The following KIF20B variants were observed in gnomAD, a reference collection of about 807,000 sequenced individuals.
KIF20B encodes the protein kinesin family member 20B.
Under a neutral mutation model 232.5 loss-of-function variants are expected in KIF20B, and 188 were observed. That is an observed-to-expected ratio of 0.81 (90% CI 0.72 to 0.91). KIF20B has a LOEUF of 0.91. KIF20B is among the 40% of genes least tolerant of loss of function. The pLI, the probability that KIF20B is intolerant of heterozygous loss-of-function variation, is 0.00. For synonymous variants in KIF20B, 712 were observed against 683.0 expected (o/e 1.04, Z -0.66); for missense variants, 2,154 against 2,055.9 (o/e 1.05, Z -0.92).
intron 32 of KIF20B, 60 bp from the exon 33 acceptor site, chr10:89,773,910 CA>C: frequency 9.7e-7 from 1 of 1,032,630 alleles, no homozygotes; most frequent in Non-Finnish European, 1.4e-6. Context: ...TCATTATAAA[CA>C]AGCTTTTATT....
At chr10:89,710,277 A>G (rs544870371) in intron 5 of KIF20B, among the ~76,000 whole-genome samples, 47 of 147,022 alleles carry the variant, frequency 3.2e-4, no homozygotes, top group Non-Finnish European at 5.9e-4. Flanking sequence ...GCTGGAGTGC[A>G]GTGGTGTGAT....
At chr10:89,760,953 G>A (rs2133165715) in intron 28 of KIF20B, among the ~76,000 whole-genome samples, 1 of 152,216 alleles carries the variant, frequency 6.6e-6, no homozygotes, top group African/African-American at 2.4e-5. Flanking sequence ...TAAACATTGT[G>A]TTAAATAGTA....
chr10:89,701,664 T>A lies in KIF20B; in HGVS notation c.-18T>A, dbSNP rs1371234818. On this transcript the variant is annotated 5_prime_UTR_variant, in exon 1 of 33. Coordinates refer to ENST00000371728, the MANE Select transcript of KIF20B (RefSeq NM_001284259.2). ...CAGTGCTGCTCGCGGGTCTGGCTAG[T>A]CAGGCGAAGTTTGCAGGTGAGGAGG... 1 of 152,422 alleles carries A rather than the reference T, an allele frequency of 6.6e-6. No individual in the cohort carries two copies. Among genetic ancestry groups the A allele is most frequent in the Admixed American group, 6.5e-5 (1 of 15,288 alleles). 9.4% of individuals were successfully genotyped at this position (152,422 alleles called of 1,614,324 possible).
Position 89,772,761 on chromosome 10 carries a change from A to T in KIF20B, c.5315A>T (p.Gln1772Leu), listed in dbSNP as rs368329596. 4 of 1,610,548 alleles carry T rather than the reference A, an allele frequency of 2.5e-6. No homozygotes were observed. The highest frequency in any genetic ancestry group is 3.4e-6 in the Non-Finnish European group (4 of 1,177,842). The change falls in exon 32 of 33, where the codon CAA becomes CTA. Residue 1772 changes from glutamine (Q) to leucine (L), a missense_variant. Gln to Leu is a moderately radical substitution (Grantham distance 113). Coordinates refer to ENST00000371728, the MANE Select transcript of KIF20B (RefSeq NM_001284259.2). ...GAAGCAAGTAAAGAAAATGTGTCTC[A>T]ACCAAAACGAGCCAAACGGAAATTA... The part of the protein sequence containing the change: ...NVEASKENVS[Q>L]PKRAKRKLYT...
intron 22 of KIF20B, among the ~76,000 whole-genome samples, chr10:89,744,974 A>G (rs981767486): frequency 1.3e-5 from 2 of 152,240 alleles, no homozygotes; most frequent in African/African-American, 4.8e-5. Flanking sequence ...TCTGGTCCCC[A>G]TAATTTAATC....
chr10:89,768,858 C>T lies in KIF20B; in HGVS notation c.5212C>T (p.Gln1738Ter). 6.2e-7 allele frequency: 1 copy of T among 1,601,742 alleles called. No homozygotes were observed. The highest frequency in any genetic ancestry group is 8.5e-7 in the Non-Finnish European group (1 of 1,175,966). The change falls in exon 31 of 33, where the codon CAA becomes TAA. Residue 1738 changes from glutamine to a stop codon, truncating the protein, a stop_gained. Transcript: ENST00000371728. LOFTEE classifies it high-confidence loss of function. ...GTLQKFGDFL[Q>*]HSPSILQSKA... Reference sequence around the variant, plus strand: ...ACTACAGAAATTTGGAGACTTCTTACAACATTCTCCCTCAATTCTTCAATC... The same window carrying T: ...ACTACAGAAATTTGGAGACTTCTTATAACATTCTCCCTCAATTCTTCAATC...
At chr10:89,741,991 C>T (rs1196050573) in intron 21 of KIF20B, among the ~76,000 whole-genome samples, 1 of 151,750 alleles carries the variant, frequency 6.6e-6, no homozygotes, top group East Asian at 1.9e-4. Flanking sequence ...TTCAGATAAG[C>T]CAAAATGTTG....
At chr10:89,741,832 A>C (rs1328053154) in intron 21 of KIF20B, among the ~76,000 whole-genome samples, 1 of 152,238 alleles carries the variant, frequency 6.6e-6, no homozygotes, top group Non-Finnish European at 1.5e-5. Flanking sequence ...TTTGCCTAGC[A>C]TATCCACATT....
At position 89,774,222 on chromosome 10, in the gene KIF20B, A is replaced by T. The variant is rs945718012; in HGVS notation, c.*174A>T. ...AATGAGTCAAAATTTGTATATTTTT[A>T]TAAGGCTTTTTTATAATAGCTTCTT... is the stretch of plus-strand genomic sequence containing the variant. On this transcript the variant is annotated 3_prime_UTR_variant, in exon 33 of 33. Coordinates refer to ENST00000371728, the MANE Select transcript of KIF20B (RefSeq NM_001284259.2). The T allele has an allele frequency of 1.0e-5, 4 of 387,466 alleles. No homozygotes were observed. The highest frequency in any genetic ancestry group is 7.9e-5 in the East Asian group (2 of 25,224). 24.0% of individuals were successfully genotyped at this position (387,466 alleles called of 1,614,324 possible).
At chr10:89,746,063 A>C (rs888943783) in intron 23 of KIF20B, 104 bp downstream of exon 23, 2 of 809,454 alleles carry the variant, frequency 2.5e-6, no homozygotes, top group Non-Finnish European at 4.2e-6. Flanking sequence ...CTGCAGCTCA[A>C]ACCCCTAGGG....
intron 5 of KIF20B, 78 bp from the exon 6 acceptor site, chr10:89,710,883 A>C (rs1480018475): frequency 8.9e-7 from 1 of 1,127,240 alleles, no homozygotes; most frequent in African/African-American, 1.6e-5. Context: ...GGTAGTATAA[A>C]AGGAGCTTTA....
intron 1 of KIF20B, among the ~76,000 whole-genome samples, chr10:89,703,778 C>A: frequency 7.0e-6 from 1 of 141,942 alleles, no homozygotes; most frequent in Non-Finnish European, 1.5e-5. Context: ...TTTTTTGACG[C>A]AGTCTTGCTC....
At chr10:89,705,007 A>G (rs1272827432) in intron 1 of KIF20B, among the ~76,000 whole-genome samples, 1 of 152,222 alleles carries the variant, frequency 6.6e-6, no homozygotes, top group Non-Finnish European at 1.5e-5. Context: ...GAGAGTAAAT[A>G]TTTTATACCA....
At chr10:89,733,518 A>G (rs1589864699) in intron 19 of KIF20B, among the ~76,000 whole-genome samples, 1 of 152,230 alleles carries the variant, frequency 6.6e-6, no homozygotes, top group Admixed American at 6.5e-5. Context: ...ATGAAAGATA[A>G]TACATGTTGA....
intron 15 of KIF20B, among the ~76,000 whole-genome samples, chr10:89,725,373 A>G (rs1174870959): frequency 1.3e-5 from 2 of 152,082 alleles, no homozygotes; most frequent in East Asian, 3.8e-4. Flanking sequence ...TCTGTTATAT[A>G]TATATATATC....
At chr10:89,719,320 A>C in intron 12 of KIF20B, 99 bp from the exon 13 acceptor site, 1 of 840,126 alleles carries the variant, frequency 1.2e-6, no homozygotes, top group Non-Finnish European at 1.8e-6. Flanking sequence ...TTTCCTTAAC[A>C]CTTGAGTGTT....
At chr10:89,728,584 C>T (rs1843241951) in intron 17 of KIF20B, among the ~76,000 whole-genome samples, 1 of 151,948 alleles carries the variant, frequency 6.6e-6, no homozygotes, top group Admixed American at 6.6e-5. Context: ...TGGCTCACTG[C>T]AGCCTACGTT....
chr10:89,749,314 AT>A lies in KIF20B; in HGVS notation c.4097-2029del, dbSNP rs1330423088. Reference sequence around the variant, plus strand: ...GGCTTTCCCTGCCTCCTAAATTTCTATTTATTCACGGAATGCCTTTCACTTA... The same window carrying A: ...GGCTTTCCCTGCCTCCTAAATTTCTATTATTCACGGAATGCCTTTCACTTA... On this transcript the variant is annotated intron_variant, in intron 23 of 32. Coordinates refer to ENST00000371728, the MANE Select transcript of KIF20B (RefSeq NM_001284259.2). Among the ~76,000 whole-genome samples, 3 of 152,278 alleles carry A rather than the reference AT, an allele frequency of 2.0e-5. No homozygotes were observed. The East Asian group carries it at 5.8e-4, about 29-fold the overall frequency.
At chr10:89,712,233 T>C (rs918120193) in intron 6 of KIF20B, among the ~76,000 whole-genome samples, 80 of 152,098 alleles carry the variant, frequency 5.3e-4, no homozygotes, top group African/African-American at 1.9e-3. Flanking sequence ...CCTGCCCCCA[T>C]TGTGTTTTTC....
Sources: allele counts gnomAD v4.1 joint callset (sites outside exome capture counted in the v4.1 genomes callset), GRCh38; gene constraint gnomAD v4.1.1; transcripts MANE v1.5; gene names NCBI Gene and HGNC (gene_info 2026-07-23, HGNC 2026-07-21).